Variants in CFAP61 observed in about 807,000 individuals in gnomAD.
CFAP61 encodes the protein cilia- and flagella-associated protein 61.
A neutral mutation model predicts 135.6 loss-of-function variants in CFAP61; 107 were observed. The ratio of observed to expected loss-of-function variants is 0.79; its 90% confidence interval spans 0.67 to 0.93. The LOEUF (loss-of-function observed/expected upper bound fraction) is 0.93, where lower values mean the gene tolerates loss of function less well. Among genes scored for constraint, CFAP61 ranks in the 40% least tolerant of loss-of-function variants. The pLI is 0.00. For missense variants in CFAP61, 1,507 were observed against 1,556.2 expected (o/e 0.97, Z 0.53); for synonymous variants, 575 against 578.5 (o/e 0.99, Z 0.09).
At chr20:20,221,616 G>A (rs907063401) in intron 17 of CFAP61, 5 of 152,098 alleles carry the variant, frequency 3.3e-5, no homozygotes, top group Non-Finnish European at 5.9e-5. Flanking sequence ...GGCAATTTAC[G>A]TGCCCTTCAA....
At chr20:20,116,146 A>G (rs2049122539) in intron 8 of CFAP61, among the ~76,000 whole-genome samples, 1 of 152,058 alleles carries the variant, frequency 6.6e-6, no homozygotes, top group Non-Finnish European at 1.5e-5. Flanking sequence ...CTGGGATGAG[A>G]TGTTATCTCA....
chr20:20,311,145 T>G (rs2056803904), intron 25 of CFAP61, among the ~76,000 whole-genome samples: 1 of 152,172 alleles, frequency 6.6e-6, no homozygotes, highest in African/African-American at 2.4e-5. Flanking sequence ...GTATCTCTCA[T>G]AGCTAACTAA....
At chr20:20,172,340 G>A (rs995162802) in intron 13 of CFAP61, 33 of 903,264 alleles carry the variant, frequency 3.7e-5, no homozygotes, top group South Asian at 3.1e-4. Context: ...TTTTTGAGAC[G>A]GCATCTCACT....
At chr20:20,265,709 G>GC in intron 21 of CFAP61, 2 of 506,964 alleles carry the variant, frequency 3.9e-6, no homozygotes, top group Non-Finnish European at 7.0e-6. Flanking sequence ...CTAGGACCAA[G>GC]CTCTGGGAGC....
At chr20:20,062,639 T>C (rs1259028407) in intron 2 of CFAP61, among the ~76,000 whole-genome samples, 1 of 152,102 alleles carries the variant, frequency 6.6e-6, no homozygotes, top group Non-Finnish European at 1.5e-5. Context: ...AGAAAAACTT[T>C]CAAAGTAATG....
At chr20:20,317,595 G>A (rs2057211530) in intron 25 of CFAP61, among the ~76,000 whole-genome samples, 3 of 152,116 alleles carry the variant, frequency 2.0e-5, no homozygotes, top group South Asian at 4.1e-4. Flanking sequence ...GGAGAAGAGG[G>A]CACCAAATGC....
chr20:20,139,270 G>T (rs1600894536), intron 8 of CFAP61, among the ~76,000 whole-genome samples: 1 of 152,346 alleles, frequency 6.6e-6, no homozygotes, highest in East Asian at 1.9e-4. Context: ...AATGCAAAAT[G>T]ATGAATGTGG....
intron 1 of CFAP61, among the ~76,000 whole-genome samples, chr20:20,054,267 A>G (rs974699743): frequency 6.6e-6 from 1 of 151,714 alleles, no homozygotes; most frequent in African/African-American, 2.4e-5. Flanking sequence ...GTTTAGGTTT[A>G]TCAGTCTAGG....
At chr20:20,058,979 A>T (rs144122232) in intron 2 of CFAP61, among the ~76,000 whole-genome samples, 322 of 152,332 alleles carry the variant, frequency 2.1e-3, no homozygotes, top group African/African-American at 7.5e-3. Context: ...AAATTAAACA[A>T]TGAATATAAA....
intron 2 of CFAP61, among the ~76,000 whole-genome samples, chr20:20,059,208 A>G (rs1481069995): frequency 1.3e-5 from 2 of 150,940 alleles, no homozygotes; most frequent in African/African-American, 2.4e-5. Flanking sequence ...CGCACTCTGT[A>G]GTCCCACTAC....
At chr20:20,360,114 A>G in intron 26 of CFAP61, 96 bp from the exon 27 acceptor site, 1 of 897,948 alleles carries the variant, frequency 1.1e-6, no homozygotes, top group Non-Finnish European at 1.8e-6. Context: ...ATCCTTGCAG[A>G]GCTGACTACT....
intron 6 of CFAP61, among the ~76,000 whole-genome samples, chr20:20,089,768 CT>C (rs2047057001): frequency 6.6e-6 from 1 of 152,162 alleles, no homozygotes; most frequent in South Asian, 2.1e-4. Context: ...CCACCGCCCC[CT>C]GTGCCAGACT....
At chr20:20,169,242 T>A in intron 12 of CFAP61, 79 bp from the exon 13 acceptor site, 1 of 1,370,050 alleles carries the variant, frequency 7.3e-7, no homozygotes, top group Non-Finnish European at 1.0e-6. Context: ...TCTATTTTTC[T>A]TGGTGTTTTT....
chr20:20,091,375 T>C (rs1311135098), intron 7 of CFAP61, among the ~76,000 whole-genome samples: 2 of 152,176 alleles, frequency 1.3e-5, no homozygotes, highest in African/African-American at 2.4e-5. Flanking sequence ...TGTTTTGACA[T>C]AGTTTCACAC....
chr20:20,348,513 C>A (rs576696792), intron 26 of CFAP61, among the ~76,000 whole-genome samples: 2 of 151,782 alleles, frequency 1.3e-5, no homozygotes, highest in East Asian at 3.9e-4. Flanking sequence ...CATGATGAAA[C>A]CCTGTCTCTG....
intron 24 of CFAP61, among the ~76,000 whole-genome samples, chr20:20,295,010 A>G (rs947211052): frequency 1.3e-5 from 2 of 151,568 alleles, no homozygotes; most frequent in Non-Finnish European, 2.9e-5. Flanking sequence ...AACAAAAAAA[A>G]TCACTAAAAG....
At chr20:20,226,425 C>G (rs940618753) in intron 17 of CFAP61, among the ~76,000 whole-genome samples, 2 of 152,158 alleles carry the variant, frequency 1.3e-5, no homozygotes, top group Admixed American at 1.3e-4. Context: ...TCCAGCTGAC[C>G]TAGAATTGCA....
At chr20:20,281,086 A>G (rs1488854737) in intron 22 of CFAP61, among the ~76,000 whole-genome samples, 1 of 152,226 alleles carries the variant, frequency 6.6e-6, no homozygotes, top group Admixed American at 6.5e-5. Flanking sequence ...CTGCAGGTTT[A>G]CAAAATGCAA....
chr20:20,301,549 CTTTTAAAT>C (rs2056104925), intron 25 of CFAP61, among the ~76,000 whole-genome samples: 1 of 152,194 alleles, frequency 6.6e-6, no homozygotes, highest in Non-Finnish European at 1.5e-5. Flanking sequence ...TACTGTTAGA[CTTTTAAAT>C]TTGGCCAGTC....
Sources: gnomAD v4.1 joint callset for allele counts (sites outside exome capture counted in the v4.1 genomes callset) on GRCh38, gnomAD v4.1.1 for gene constraint, MANE v1.5 for transcripts, NCBI Gene and HGNC (gene_info 2026-07-23, HGNC 2026-07-21) for gene names.